Variants in SEMA5B observed in about 807,000 individuals in gnomAD.
SEMA5B encodes the protein semaphorin 5B.
A neutral mutation model predicts 135.0 loss-of-function variants in SEMA5B; 66 were observed. That is an observed-to-expected ratio of 0.49 (90% confidence interval 0.40 to 0.60). SEMA5B has a LOEUF of 0.60. Ranked by LOEUF, SEMA5B falls within the 20% of genes least tolerant of loss-of-function variation. The probability of loss-of-function intolerance (pLI) is 0.00; values close to 1 mark genes in which losing one functional copy is unlikely to be tolerated. For synonymous variants in SEMA5B, 690 were observed against 639.5 expected (o/e 1.08, Z -1.19); for missense variants, 1,501 against 1,566.3 (o/e 0.96, Z 0.70).
chr3:122,965,979 ATGTGCCACT>A (rs1940799967), intron 1 of SEMA5B, among the ~76,000 whole-genome samples: 1 of 152,130 alleles, frequency 6.6e-6, no homozygotes, highest in African/African-American at 2.4e-5. Context: ...GAATGGCTGG[ATGTGCCACT>A]TCTTGGCACA....
rs544468528 is a variant in SEMA5B at position 123,021,552 on chromosome 3, AG to A, written c.-39+5911del. 2.6e-3 allele frequency among the ~76,000 whole-genome samples: 393 copies of A among 152,300 alleles called. 2 individuals are homozygous for A. The highest frequency in any genetic ancestry group is 8.9e-3 in the African/African-American group (369 of 41,568). On this transcript the variant is annotated intron_variant, in intron 1 of 22. Coordinates refer to ENST00000357599, the MANE Select transcript of SEMA5B (RefSeq NM_001031702.4). ...ACTGCAGCTCTTTTGTATTCCTAAC[AG>A]GGGGGCTCTTGGGAGGCCTTCCGGA...
intron 12 of SEMA5B, 140 bp downstream of exon 12, chr3:122,921,775 C>A: frequency 1.6e-6 from 1 of 613,842 alleles, no homozygotes; most frequent in Non-Finnish European, 2.7e-6. Context: ...AACCAAGGTT[C>A]AGCGAGGTGG....
At chr3:123,011,499 A>C (rs917689873) in intron 1 of SEMA5B, among the ~76,000 whole-genome samples, 1 of 152,222 alleles carries the variant, frequency 6.6e-6, no homozygotes, top group Admixed American at 6.5e-5. Context: ...GTTTTGCCCA[A>C]GAAGGGGGAA....
intron 1 of SEMA5B, among the ~76,000 whole-genome samples, chr3:122,961,977 C>G (rs1461556047): frequency 6.6e-6 from 1 of 152,182 alleles, no homozygotes; most frequent in Non-Finnish European, 1.5e-5. Context: ...ATCTCTAACC[C>G]TTCTTCCGCT....
chr3:123,006,782 C>T (rs904415304), intron 1 of SEMA5B, among the ~76,000 whole-genome samples: 1 of 152,076 alleles, frequency 6.6e-6, no homozygotes, highest in Admixed American at 6.5e-5. Context: ...TTACCACCCT[C>T]CCCCCATCTA....
chr3:122,942,444 T>C (rs907021407), intron 4 of SEMA5B, among the ~76,000 whole-genome samples: 2 of 152,166 alleles, frequency 1.3e-5, no homozygotes, highest in South Asian at 2.1e-4. Flanking sequence ...CCACACCCAC[T>C]GAGTCAGAAC....
intron 5 of SEMA5B, among the ~76,000 whole-genome samples, chr3:122,932,684 G>T (rs62261734): frequency 0.049 from 7,430 of 152,088 alleles, 241 homozygotes; most frequent in Middle Eastern, 0.12. Flanking sequence ...GGTGGGCTCT[G>T]GCATTAGGCT....
In SEMA5B at chr3:122,946,812, G is replaced by C. The variant is rs1206004244; in HGVS notation, c.328+1694C>G. Among the ~76,000 whole-genome samples, 5 of 152,176 alleles carry C rather than the reference G, an allele frequency of 3.3e-5. No individual in the cohort carries two copies. The East Asian group carries it at 9.6e-4, about 29-fold the overall frequency. On this transcript the variant is annotated intron_variant, in intron 3 of 22. Coordinates refer to ENST00000357599, the MANE Select transcript of SEMA5B (RefSeq NM_001031702.4). Reference sequence around the variant, plus strand: ...CAAACGGATAGGAAAACTCAAAGCTGTCAGAATGGGGAAGGGGAGAGGGGC... The same window carrying C: ...CAAACGGATAGGAAAACTCAAAGCTCTCAGAATGGGGAAGGGGAGAGGGGC...
Position 122,913,071 on chromosome 3 carries a change from G to C in SEMA5B, c.2507-10C>G. ...AGGACCTCCACCAGGGCTGCGGAGG[G>C]GCTAGGCCTCAGCGACTGGGCGCCC... On this transcript the variant is annotated splice_polypyrimidine_tract_variant and intron_variant, in intron 17 of 22. Transcript: ENST00000357599. 1 of 1,454,286 alleles carries C rather than the reference G, an allele frequency of 6.9e-7. No individual in the cohort carries two copies. Among genetic ancestry groups the C allele is most frequent in the Middle Eastern group, 2.1e-4 (1 of 4,662 alleles). The allele number at this position is 1,454,286 out of a possible 1,614,324, so 90.1% of individuals were successfully genotyped here. A position where few individuals can be genotyped will look rare whatever the true frequency, so the allele number is the denominator to read the frequency against.
chr3:122,927,997 TC>T lies in SEMA5B; in HGVS notation c.642del (p.Asn215ThrfsTer126), dbSNP rs779113397. On this transcript the variant is annotated frameshift_variant, in exon 8 of 23. Coordinates refer to ENST00000357599, the MANE Select transcript of SEMA5B (RefSeq NM_001031702.4). LOFTEE classifies it high-confidence loss of function. ...FSPMCTSRQV[G>X]NLSRTIEKIN... is the part of the protein sequence containing the mutation. The stretch of plus-strand genomic sequence containing the variant: ...ATCTTCTCAATAGTCCGGCTGAGGT[TC>T]CCCACCTGGGGACAATGGGGAGAAG... 1 of 1,467,470 alleles carries T rather than the reference TC, an allele frequency of 6.8e-7. No individual in the cohort carries two copies. Among genetic ancestry groups the T allele is most frequent in the Non-Finnish European group, 9.1e-7 (1 of 1,104,032 alleles). The allele number at this position is 1,467,470 out of a possible 1,614,324, so 90.9% of individuals were successfully genotyped here.
At chr3:123,001,107 G>C (rs1168752285) in intron 1 of SEMA5B, among the ~76,000 whole-genome samples, 1 of 152,126 alleles carries the variant, frequency 6.6e-6, no homozygotes, top group East Asian at 1.9e-4. Context: ...GATGTGGCAA[G>C]GGATAGGGGG....
At chr3:123,017,919 GAA>G (rs111824838) in intron 1 of SEMA5B, among the ~76,000 whole-genome samples, 15 of 118,538 alleles carry the variant, frequency 1.3e-4, no homozygotes, top group Middle Eastern at 4.0e-3. Context: ...CTCAAAAAAA[GAA>G]AAAAAAAAAA....
chr3:123,009,156 T>C (rs1942381604), intron 1 of SEMA5B, among the ~76,000 whole-genome samples: 1 of 152,156 alleles, frequency 6.6e-6, no homozygotes, highest in South Asian at 2.1e-4. Context: ...CAGCCTGAGA[T>C]GAAAGGGAGC....
At chr3:122,965,819 C>A (rs1354612992) in intron 1 of SEMA5B, among the ~76,000 whole-genome samples, 7 of 152,214 alleles carry the variant, frequency 4.6e-5, no homozygotes, top group Non-Finnish European at 1.0e-4. Flanking sequence ...AGAGCGCCTC[C>A]CAATCTGGAT....
intron 1 of SEMA5B, among the ~76,000 whole-genome samples, chr3:122,967,450 C>A (rs1940912795): frequency 6.6e-6 from 1 of 152,090 alleles, no homozygotes; most frequent in Admixed American, 6.5e-5. Context: ...GTGGGTGCAC[C>A]CATCCAGACT....
chr3:122,982,613 T>C (rs969363425), intron 1 of SEMA5B, among the ~76,000 whole-genome samples: 7 of 152,094 alleles, frequency 4.6e-5, no homozygotes, highest in Admixed American at 2.0e-4. Context: ...GCCCCAGCCC[T>C]CCTCCTGTTT....
chr3:123,019,849 G>GGA (rs1247523607), intron 1 of SEMA5B, among the ~76,000 whole-genome samples: 6 of 152,196 alleles, frequency 3.9e-5, no homozygotes, highest in African/African-American at 1.4e-4. Flanking sequence ...TCCTATGAAG[G>GGA]GAGAGGCAGC....
chr3:122,942,840 T>C (rs1939617864), intron 4 of SEMA5B, among the ~76,000 whole-genome samples: 1 of 152,156 alleles, frequency 6.6e-6, no homozygotes, highest in Admixed American at 6.5e-5. Flanking sequence ...GGGTCGGCCC[T>C]CTCTAAGCCC....
At chr3:122,995,042 G>GAGA (rs1334277489) in intron 1 of SEMA5B, among the ~76,000 whole-genome samples, 1 of 152,156 alleles carries the variant, frequency 6.6e-6, no homozygotes, top group Non-Finnish European at 1.5e-5. Flanking sequence ...TAAACCCAGA[G>GAGA]AGAAGAGGCA....
Sources: gnomAD v4.1 joint callset for allele counts (sites outside exome capture counted in the v4.1 genomes callset) on GRCh38, gnomAD v4.1.1 for gene constraint, MANE v1.5 for transcripts, NCBI Gene and HGNC (gene_info 2026-07-23, HGNC 2026-07-21) for gene names.